Variants in LTBP1 observed in about 807,000 individuals in gnomAD.
LTBP1 encodes latent-transforming growth factor beta-binding protein 1.
Under a neutral mutation model 207.6 loss-of-function variants are expected in LTBP1, and 129 were observed. The observed-to-expected ratio is 0.62, with a 90% CI of 0.54 to 0.72. The LOEUF (loss-of-function observed/expected upper bound fraction) is 0.72, where lower values mean the gene tolerates loss of function less well. Among genes scored for constraint, LTBP1 ranks in the 30% least tolerant of loss-of-function variants. The pLI is 0.00. For synonymous variants in LTBP1, 963 were observed against 833.7 expected, an observed-to-expected ratio of 1.16 and a Z score of -2.67; for missense variants, 2,281 against 2,217.2, an observed-to-expected ratio of 1.03 and a Z score of -0.58.
intron 22 of LTBP1, among the ~76,000 whole-genome samples, chr2:33,303,388 T>A (rs979386631): frequency 5.3e-5 from 8 of 150,746 alleles, no homozygotes; most frequent in Non-Finnish European, 7.4e-5. Flanking sequence ...TCTCGCTCTG[T>A]CACCCAGGCT....
chr2:33,341,833 T>C (rs1049346670), intron 24 of LTBP1, among the ~76,000 whole-genome samples: 1 of 151,526 alleles, frequency 6.6e-6, no homozygotes, highest in African/African-American at 2.4e-5. Context: ...TCAAGTGAAC[T>C]TGAACTTGTC....
rs1357227653 is a variant in LTBP1, at chr2:33,225,202, TGATCA to T, written c.1876+3057_1876+3061del. On this transcript the variant is annotated intron_variant, in intron 9 of 33. Transcript: ENST00000404816. ...ATGTTTTGATACTTAAAATGTATAG[TGATCA>T]GATCAAGGTATTTAGCAAATCTATC... 2.0e-5 allele frequency among the ~76,000 whole-genome samples: 3 copies of T among 152,236 alleles called. No homozygotes were observed. The South Asian group carries it at 6.2e-4, about 32-fold the overall frequency.
intron 19 of LTBP1, among the ~76,000 whole-genome samples, chr2:33,289,858 G>A (rs1490798029): frequency 3.3e-5 from 5 of 152,164 alleles, no homozygotes; most frequent in Non-Finnish European, 7.3e-5. Context: ...ATCTCCCTCT[G>A]CTTCAGGGAA....
chr2:33,136,504 T>G (rs1213720258), intron 5 of LTBP1, among the ~76,000 whole-genome samples: 5 of 152,184 alleles, frequency 3.3e-5, no homozygotes, highest in Non-Finnish European at 7.4e-5. Context: ...AAAAATTTTT[T>G]TTTTTGGAGG....
intron 4 of LTBP1, among the ~76,000 whole-genome samples, chr2:33,113,948 C>A (rs1401032481): frequency 2.0e-5 from 3 of 152,234 alleles, no homozygotes; most frequent in African/African-American, 7.2e-5. Context: ...TCAAGTGATT[C>A]TCCTGCCTCA....
intron 3 of LTBP1, among the ~76,000 whole-genome samples, chr2:33,085,516 G>C (rs1320090087): frequency 6.6e-6 from 1 of 152,114 alleles, no homozygotes; most frequent in African/African-American, 2.4e-5. Context: ...CCTTGCCTTA[G>C]GAATAATAAT....
Position 32,947,495 on chromosome 2 carries a change from G to T in LTBP1, c.171G>T (p.Ala57=). Reference sequence around the variant, plus strand: ...CGCGTTCGCGGACATTCAACGTCGCGCTCAACGCCAGGTACAGCCGCAGCT... The same window carrying T: ...CGCGTTCGCGGACATTCAACGTCGCTCTCAACGCCAGGTACAGCCGCAGCT... The part of the protein sequence containing the change: ...GPPRSRTFNV[A]LNARYSRSSA... Residue 57 remains alanine (A), a synonymous_variant, in exon 1 of 34, where the codon GCG becomes GCT. Coordinates refer to ENST00000404816, the MANE Select transcript of LTBP1 (RefSeq NM_206943.4). The T allele has an allele frequency of 6.9e-7, 1 of 1,440,708 alleles. No homozygotes were observed. 89.2% of individuals were successfully genotyped at this position (1,440,708 alleles called of 1,614,324 possible).
intron 3 of LTBP1, among the ~76,000 whole-genome samples, chr2:33,032,373 T>C (rs976605221): frequency 1.3e-5 from 2 of 152,240 alleles, no homozygotes; most frequent in African/African-American, 4.8e-5. Context: ...TTTATCTTTG[T>C]TGGCTTTATA....
chr2:32,973,420 T>C (rs1410490035), intron 2 of LTBP1, among the ~76,000 whole-genome samples: 2 of 152,184 alleles, frequency 1.3e-5, no homozygotes, highest in African/African-American at 4.8e-5. Flanking sequence ...TACATAATGC[T>C]CTTGTCTTTT....
intron 28 of LTBP1, among the ~76,000 whole-genome samples, chr2:33,362,897 A>G (rs952649262): frequency 6.6e-6 from 1 of 152,152 alleles, no homozygotes; most frequent in Non-Finnish European, 1.5e-5. Flanking sequence ...AAAGCTATTA[A>G]TTCTGTGGGG....
At chr2:33,071,693 T>G (rs574508698) in intron 3 of LTBP1, among the ~76,000 whole-genome samples, 3 of 152,200 alleles carry the variant, frequency 2.0e-5, no homozygotes, top group Non-Finnish European at 4.4e-5. Context: ...TATTTCTTCC[T>G]CATGCAGATA....
Position 33,360,612 on chromosome 2 carries a change from T to G in LTBP1, c.4016T>G (p.Val1339Gly). The G allele has an allele frequency of 6.2e-7, 1 of 1,612,928 alleles. No homozygotes were observed. Among genetic ancestry groups the G allele is most frequent in the Non-Finnish European group, 8.5e-7 (1 of 1,178,940 alleles). Residue 1339 changes from valine to glycine, a missense_variant, in exon 27 of 34, where the codon GTA (valine) becomes GGA (glycine). This residue lies in a region of LTBP1 where 1,671 missense variants were observed against 1,634.8 expected (regional missense o/e 1.02). Coordinates refer to ENST00000404816, the MANE Select transcript of LTBP1 (RefSeq NM_206943.4). ...SRTSTDLDVD[V>G]DQPKEEKKEC... ...CTCCATTTAGATTTAGATGTAGATGTAGATCAACCCAAAGAAGAAAAGAAA... is the reference window on the plus strand; with the variant it reads ...CTCCATTTAGATTTAGATGTAGATGGAGATCAACCCAAAGAAGAAAAGAAA...
intron 5 of LTBP1, among the ~76,000 whole-genome samples, chr2:33,168,355 T>C (rs11903420): frequency 0.068 from 9,728 of 142,642 alleles, 1,026 homozygotes; most frequent in African/African-American, 0.23. Context: ...CACTGCACTC[T>C]AGCCTGAGGG....
At chr2:33,135,430 A>G (rs1362501870) in intron 5 of LTBP1, among the ~76,000 whole-genome samples, 1 of 152,146 alleles carries the variant, frequency 6.6e-6, no homozygotes, top group East Asian at 1.9e-4. Flanking sequence ...ATTGTCAAAA[A>G]CCTGTACTTG....
intron 25 of LTBP1, among the ~76,000 whole-genome samples, chr2:33,345,607 T>A (rs114005192): frequency 2.6e-4 from 39 of 152,350 alleles, no homozygotes; most frequent in African/African-American, 8.9e-4. Context: ...TATGTTATGG[T>A]ATTTTTCACA....
At chr2:33,168,399 CAAAAA>C (rs10616798) in intron 5 of LTBP1, among the ~76,000 whole-genome samples, 1 of 103,812 alleles carries the variant, frequency 9.6e-6, no homozygotes, top group Non-Finnish European at 2.0e-5. Context: ...GTCTTTGTCT[CAAAAA>C]AAAAAAAAAA....
intron 20 of LTBP1, among the ~76,000 whole-genome samples, chr2:33,297,575 G>C (rs2148930809): frequency 6.6e-6 from 1 of 152,102 alleles, no homozygotes; most frequent in Non-Finnish European, 1.5e-5. Context: ...GGGACTACAG[G>C]CACGTGCCAT....
chr2:32,982,709 G>A (rs11124300), intron 2 of LTBP1, among the ~76,000 whole-genome samples: 1 of 152,190 alleles, frequency 6.6e-6, no homozygotes, highest in Non-Finnish European at 1.5e-5. Context: ...TACAGCTCGG[G>A]CCGTGGCTTC....
chr2:32,991,032 A>G (rs1424127889), intron 2 of LTBP1, among the ~76,000 whole-genome samples: 1 of 152,202 alleles, frequency 6.6e-6, no homozygotes, highest in Middle Eastern at 3.2e-3. Flanking sequence ...TAATAGAGAG[A>G]GCTGTAGCAA....
Sources: gnomAD v4.1 joint callset for allele counts (sites outside exome capture counted in the v4.1 genomes callset) on GRCh38, gnomAD v4.1.1 for gene constraint, gnomAD v4.1.1 regional missense constraint, MANE v1.5 for transcripts, NCBI Gene and HGNC (gene_info 2026-07-23, HGNC 2026-07-21) for gene names.